Variants in ADGRF3 observed in about 807,000 individuals in gnomAD.
The protein encoded by ADGRF3 is G protein-coupled receptor 113.
A neutral mutation model predicts 93.2 loss-of-function variants in ADGRF3; 85 were observed. That is an observed-to-expected ratio of 0.91 (90% CI 0.77 to 1.09). ADGRF3 has a LOEUF of 1.09. Among genes scored for constraint, ADGRF3 ranks in the 50% least tolerant of loss-of-function variants. The pLI is 0.00. For missense variants in ADGRF3, 1,125 were observed against 1,246.2 expected (o/e 0.90, Z 1.46); for synonymous variants, 534 against 532.5 (o/e 1.00, Z -0.04).
Position 26,319,579 on chromosome 2 carries a change from C to A in ADGRF3, c.115-2017G>T, listed in dbSNP as rs1675004522. On this transcript the variant is annotated intron_variant, in intron 1 of 13. Transcript: ENST00000651242. Reference sequence around the variant, plus strand: ...CCTCCCTCCCTCCCTTCCTTCCTTCCTTCCTTCCTTCCTTCCTTCCTTCCT... The same window carrying A: ...CCTCCCTCCCTCCCTTCCTTCCTTCATTCCTTCCTTCCTTCCTTCCTTCCT... Among the ~76,000 whole-genome samples the A allele has an allele frequency of 9.7e-5, 6 of 61,610 alleles. No individual in the cohort carries two copies. The South Asian group carries it at 4.3e-3, about 44-fold the overall frequency. The allele number at this position is 61,610 out of a possible 152,430, so 40.4% of individuals were successfully genotyped here.
chr2:26,312,091 A>G lies in ADGRF3; in HGVS notation c.1450-17T>C, dbSNP rs779289612. 6.3e-7 allele frequency: 1 copy of G among 1,591,144 alleles called. No homozygotes were observed. The highest frequency in any genetic ancestry group is 8.5e-7 in the Non-Finnish European group (1 of 1,171,770). On this transcript the variant is annotated splice_polypyrimidine_tract_variant and intron_variant, in intron 9 of 13. Coordinates refer to ENST00000651242, the MANE Select transcript of ADGRF3 (RefSeq NM_001321971.2). ...CAGGAGATTCTGCAGCACCCAAAAG[A>G]AAGATGAACCCCGTCTGCTGGCGCC... is the stretch of plus-strand genomic sequence containing the variant.
At chr2:26,318,041 G>A (rs757451393) in intron 1 of ADGRF3, 3 of 1,551,498 alleles carry the variant, frequency 1.9e-6, no homozygotes, top group Non-Finnish European at 2.6e-6. Context: ...TGAGGGTGGA[G>A]GTCTGGGCCC....
At chr2:26,332,627 C>T (rs1037320837) in intron 1 of ADGRF3, among the ~76,000 whole-genome samples, 1 of 152,078 alleles carries the variant, frequency 6.6e-6, no homozygotes, top group Admixed American at 6.6e-5. Flanking sequence ...GTAGTCCCAG[C>T]TACTTGGGAG....
At chr2:26,318,233 T>C in intron 1 of ADGRF3, 2 of 656,144 alleles carry the variant, frequency 3.0e-6, no homozygotes, top group Non-Finnish European at 5.3e-6. Flanking sequence ...CCTGTCTATA[T>C]GCACCTGCGT....
rs80301950 is a variant in ADGRF3 at position 26,310,362 on chromosome 2, A to G, written c.2833-125T>C. On this transcript the variant is annotated intron_variant, in intron 10 of 13. Coordinates refer to ENST00000651242, the MANE Select transcript of ADGRF3 (RefSeq NM_001321971.2). ...TCATCTCAATTTTTCTGTTACCACT[A>G]TTTGGTGCATAGGATCCATTTCAGG... is the stretch of plus-strand genomic sequence containing the variant. 4.7e-3 allele frequency: 4,904 copies of G among 1,041,944 alleles called. 149 individuals carry two copies. In the African/African-American group the frequency reaches 0.069, roughly 15 times the overall value. 64.5% of individuals were successfully genotyped at this position (1,041,944 alleles called of 1,614,324 possible). A position where few individuals can be genotyped will look rare whatever the true frequency, so the allele number is the denominator to read the frequency against.
At chr2:26,324,719 A>G (rs971313158) in intron 1 of ADGRF3, among the ~76,000 whole-genome samples, 1 of 152,164 alleles carries the variant, frequency 6.6e-6, no homozygotes. Context: ...TATCCAGTCT[A>G]TCATTGATGG....
chr2:26,317,949 G>T, intron 1 of ADGRF3: 1 of 1,229,688 alleles, frequency 8.1e-7, no homozygotes, highest in Non-Finnish European at 1.2e-6. Context: ...GGATTTGACA[G>T]CAGGGTGAGC....
intron 1 of ADGRF3, chr2:26,318,177 T>G: frequency 1.7e-6 from 2 of 1,166,958 alleles, no homozygotes; most frequent in Non-Finnish European, 2.4e-6. Flanking sequence ...ATGGCAGTCC[T>G]TCCTCCAGGA....
chr2:26,316,413 C>A lies in ADGRF3; in HGVS notation c.361G>T (p.Ala121Ser), dbSNP rs1164709615. The A allele has an allele frequency of 1.3e-6, 2 of 1,551,736 alleles. No individual in the cohort carries two copies. Among genetic ancestry groups the A allele is most frequent in the Non-Finnish European group, 1.7e-6 (2 of 1,146,998 alleles). The change falls in exon 4 of 14, where the codon GCT becomes TCT. Residue 121 changes from alanine (A) to serine (S), a missense_variant. Ala to Ser is a moderately conservative substitution (Grantham distance 99). Coordinates refer to ENST00000651242, the MANE Select transcript of ADGRF3 (RefSeq NM_001321971.2). ...NVNHKGNFYCACLSGYQWNTS... is the reference protein window; with the variant it reads ...NVNHKGNFYCSCLSGYQWNTS... Reference sequence around the variant, plus strand: ...TTCCACTGGTAGCCAGAGAGGCAAGCACAATAGAAATTCCCCTTGTGGTTG... The same window carrying A: ...TTCCACTGGTAGCCAGAGAGGCAAGAACAATAGAAATTCCCCTTGTGGTTG...
chr2:26,313,966 C>T (rs1674432102), intron 6 of ADGRF3, 63 bp from the exon 7 acceptor site: 2 of 1,583,496 alleles, frequency 1.3e-6, no homozygotes, highest in Admixed American at 1.7e-5. Context: ...ACCCAGCAGG[C>T]TCTGACATGC....
At position 26,310,805 on chromosome 2, in the gene ADGRF3, G is replaced by T. The variant is rs752249195; in HGVS notation, c.2719C>A (p.Leu907Met). Reference protein sequence around the residue: ...RQALLGVIKALLILTPIFGLT... With the variant: ...RQALLGVIKAMLILTPIFGLT... ...CCAAAGATGGGTGTAAGAATGAGCA[G>T]GGCTTTGATCACCCCCAGCAGAGCT... Residue 907 changes from leucine (L) to methionine (M), a missense_variant, in exon 10 of 14, where the codon CTG becomes ATG. Leu to Met is a conservative substitution (Grantham distance 15). Coordinates refer to ENST00000651242, the MANE Select transcript of ADGRF3 (RefSeq NM_001321971.2). 9 of 1,613,720 alleles carry T rather than the reference G, an allele frequency of 5.6e-6. No individual in the cohort carries two copies. The highest frequency in any genetic ancestry group is 5.0e-5 in the Admixed American group (3 of 59,988).
At position 26,317,394 on chromosome 2, in the gene ADGRF3, T is replaced by A. The variant is rs959650683; in HGVS notation, c.181+102A>T. ...GCCAGTCCTCTCTCTCCGCCACCAC[T>A]CCCTCGCTGCACCTGCCCTCTCTTT... On this transcript the variant is annotated intron_variant, in intron 2 of 13. Transcript: ENST00000651242. 3.6e-6 allele frequency: 4 copies of A among 1,124,838 alleles called. No individual in the cohort carries two copies. In the Admixed American group the frequency reaches 8.4e-5, roughly 24 times the overall value. 69.7% of individuals were successfully genotyped at this position (1,124,838 alleles called of 1,614,324 possible). A position where few individuals can be genotyped will look rare whatever the true frequency, so the allele number is the denominator to read the frequency against.
chr2:26,330,857 T>C (rs1675730998), intron 1 of ADGRF3, among the ~76,000 whole-genome samples: 1 of 152,232 alleles, frequency 6.6e-6, no homozygotes, highest in African/African-American at 2.4e-5. Flanking sequence ...TGTTGAATTC[T>C]GGACTTCTTC....
Position 26,317,551 on chromosome 2 carries a change from C to G in ADGRF3, c.126G>C (p.Gln42His). ...GCCCAGATCCAGATTCCCCTCCAGC[C>G]TGACTCTGTCCCTGGAACAGAACAC... Reference protein sequence around the residue: ...KTGLPEKGQSQAGGESGSGQL... With the variant: ...KTGLPEKGQSHAGGESGSGQL... The change falls in exon 2 of 14, where the codon CAG (glutamine) becomes CAC (histidine). Residue 42 changes from glutamine to histidine, a missense_variant. Physicochemically the swap from Gln to His is conservative, Grantham distance 24. Transcript: ENST00000651242. 1 of 1,573,958 alleles carries G rather than the reference C, an allele frequency of 6.4e-7. No individual in the cohort carries two copies. Among genetic ancestry groups the G allele is most frequent in the Non-Finnish European group, 8.6e-7 (1 of 1,159,798 alleles).
Position 26,314,475 on chromosome 2 carries a change from GCAGCT to G in ADGRF3, c.862_866del (p.Ser288LeufsTer43), listed in dbSNP as rs1359551984. ...AGGCCAGGTTTGTGCTGGGGATGCA[GCAGCT>G]CAGCTGGAAGCCAGGGGAGGTGGCA... On this transcript the variant is annotated frameshift_variant, in exon 6 of 14. Coordinates refer to ENST00000651242, the MANE Select transcript of ADGRF3 (RefSeq NM_001321971.2). LOFTEE classifies it high-confidence loss of function. 1.9e-6 allele frequency: 3 copies of G among 1,613,940 alleles called. No homozygotes were observed. The highest frequency in any genetic ancestry group is 2.5e-6 in the Non-Finnish European group (3 of 1,179,918).
intron 1 of ADGRF3, among the ~76,000 whole-genome samples, chr2:26,326,226 G>A (rs574965670): frequency 5.3e-5 from 8 of 152,306 alleles, no homozygotes; most frequent in African/African-American, 1.9e-4. Context: ...GGGGAGCTGA[G>A]GACAAGTATG....
intron 1 of ADGRF3, chr2:26,317,900 G>A (rs1674842709): frequency 5.8e-6 from 5 of 858,332 alleles, no homozygotes; most frequent in Non-Finnish European, 9.6e-6. Context: ...GACATTGCTG[G>A]CTGGGGCCCA....
Position 26,311,544 on chromosome 2 carries a change from A to G in ADGRF3, c.1980T>C (p.Gly660=). 2 of 1,613,332 alleles carry G rather than the reference A, an allele frequency of 1.2e-6. No homozygotes were observed. Among genetic ancestry groups the G allele is most frequent in the Non-Finnish European group, 1.7e-6 (2 of 1,179,654 alleles). The change falls in exon 10 of 14, where the codon GGT becomes GGC. Residue 660 remains glycine (G), a synonymous_variant. Transcript: ENST00000651242. ...WDHSLFQGRG[G]WSKEGCQAQV... is the part of the protein sequence containing the mutation. ...GTGCCTGGCACCCTTCTTTGGACCA[A>G]CCCCCCCTGCCCTGGAAGAGACTGT...
At chr2:26,313,333 T>C (rs749638443) in intron 8 of ADGRF3, 44 bp downstream of exon 8, 6 of 1,503,228 alleles carry the variant, frequency 4.0e-6, no homozygotes, top group Non-Finnish European at 5.4e-6. Context: ...GAGGCTAGGG[T>C]GGGCCGTGGA....
Sources: gnomAD v4.1 joint callset for allele counts (sites outside exome capture counted in the v4.1 genomes callset) on GRCh38, gnomAD v4.1.1 for gene constraint, MANE v1.5 for transcripts, NCBI Gene and HGNC (gene_info 2026-07-23, HGNC 2026-07-21) for gene names.